TEAD1: variants seen among roughly 807,000 people sequenced by gnomAD.
The protein encoded by TEAD1 is TEA domain transcription factor 1.
In TEAD1, 9 loss-of-function variants were observed where a neutral mutation model predicts 54.9. The ratio of observed to expected loss-of-function variants is 0.16; its 90% CI spans 0.10 to 0.29. The LOEUF (loss-of-function observed/expected upper bound fraction) is 0.29. Among genes scored for constraint, TEAD1 ranks in the 10% least tolerant of loss-of-function variants. The probability of loss-of-function intolerance (pLI) is 1.00; values close to 1 mark genes in which losing one functional copy is unlikely to be tolerated. For missense variants in TEAD1, 387 were observed against 535.9 expected (o/e 0.72, Z 2.74); for synonymous variants, 200 against 187.8 (o/e 1.07, Z -0.53).
intron 3 of TEAD1, among the ~76,000 whole-genome samples, chr11:12,801,979 G>T (rs953182985): frequency 1.3e-5 from 2 of 152,192 alleles, no homozygotes; most frequent in Non-Finnish European, 2.9e-5. Flanking sequence ...GGCTGAAATG[G>T]GCACCTTCAG....
chr11:12,875,866 A>G (rs1192619384), intron 5 of TEAD1, among the ~76,000 whole-genome samples: 1 of 152,222 alleles, frequency 6.6e-6, no homozygotes, highest in Non-Finnish European at 1.5e-5. Context: ...TTATAATGGA[A>G]TTTACCCTCA....
At chr11:12,873,397 A>G (rs1246108776) in intron 5 of TEAD1, among the ~76,000 whole-genome samples, 1 of 152,210 alleles carries the variant, frequency 6.6e-6, no homozygotes, top group African/African-American at 2.4e-5. Context: ...CTCATCTACA[A>G]TCCTTTATGA....
At chr11:12,688,572 CTG>C (rs1328531415) in intron 2 of TEAD1, among the ~76,000 whole-genome samples, 1 of 152,174 alleles carries the variant, frequency 6.6e-6, no homozygotes, top group African/African-American at 2.4e-5. Flanking sequence ...GTTGTCCTAA[CTG>C]TGCAGTTCTT....
intron 2 of TEAD1, among the ~76,000 whole-genome samples, chr11:12,743,886 A>G (rs1039737489): frequency 2.0e-5 from 3 of 152,224 alleles, no homozygotes; most frequent in Admixed American, 1.3e-4. Flanking sequence ...ACCTTGGGAC[A>G]CTACGAAGGG....
At chr11:12,743,686 T>G (rs2133895656) in intron 2 of TEAD1, among the ~76,000 whole-genome samples, 1 of 152,318 alleles carries the variant, frequency 6.6e-6, no homozygotes, top group Admixed American at 6.5e-5. Context: ...GTTGAAGTGA[T>G]GGCAATTGAG....
At chr11:12,917,252 C>A (rs1948731894) in intron 10 of TEAD1, among the ~76,000 whole-genome samples, 1 of 152,026 alleles carries the variant, frequency 6.6e-6, no homozygotes. Flanking sequence ...GAAAATGGAG[C>A]AAGGGGCTCC....
intron 3 of TEAD1, among the ~76,000 whole-genome samples, chr11:12,827,218 ATCC>A (rs1335886727): frequency 2.0e-5 from 3 of 152,212 alleles, no homozygotes; most frequent in Non-Finnish European, 4.4e-5. Flanking sequence ...GAACTTACAT[ATCC>A]TGACTTTACT....
In TEAD1 at chr11:12,938,105, A is replaced by T. The variant is rs1475222795; in HGVS notation, c.*883A>T. The T allele has an allele frequency of 6.6e-6, 1 of 152,654 alleles. No individual in the cohort carries two copies. Among genetic ancestry groups the T allele is most frequent in the Non-Finnish European group, 1.5e-5 (1 of 68,034 alleles). The allele number at this position is 152,654 out of a possible 1,614,324, so 9.5% of individuals were successfully genotyped here. A position where few individuals can be genotyped will look rare whatever the true frequency, so the allele number is the denominator to read the frequency against. On this transcript the variant is annotated 3_prime_UTR_variant, in exon 13 of 13. Coordinates refer to ENST00000527636, the MANE Select transcript of TEAD1 (RefSeq NM_021961.6). Reference sequence around the variant, plus strand: ...AAAAATCTAAACTTACAATGTTTATAGTCTTGTGTGTGCAGTTATATTTTA... The same window carrying T: ...AAAAATCTAAACTTACAATGTTTATTGTCTTGTGTGTGCAGTTATATTTTA...
chr11:12,773,953 C>CCCT (rs1945365813), intron 3 of TEAD1, among the ~76,000 whole-genome samples: 16 of 152,130 alleles, frequency 1.1e-4, no homozygotes, highest in Admixed American at 1.0e-3. Context: ...ATGCATATTA[C>CCCT]TTGTGAGGGA....
At chr11:12,811,261 A>G (rs951168741) in intron 3 of TEAD1, among the ~76,000 whole-genome samples, 3 of 152,160 alleles carry the variant, frequency 2.0e-5, no homozygotes, top group Non-Finnish European at 2.9e-5. Flanking sequence ...TAGGGTGAGG[A>G]CATGAGTTCT....
chr11:12,917,349 G>A lies in TEAD1; in HGVS notation c.874-7563G>A, dbSNP rs142596276. Among the ~76,000 whole-genome samples the A allele has an allele frequency of 6.1e-3, 935 of 152,216 alleles. 9 individuals carry two copies. Among genetic ancestry groups the A allele is most frequent in the African/African-American group, 0.021 (886 of 41,526 alleles). On this transcript the variant is annotated intron_variant, in intron 10 of 12. Transcript: ENST00000527636. Reference sequence around the variant, plus strand: ...GAGCCTCTGTCTAGTAAGGAGTTGCGTCCCTTCTAGTTCCTTGATCTTAGC... The same window carrying A: ...GAGCCTCTGTCTAGTAAGGAGTTGCATCCCTTCTAGTTCCTTGATCTTAGC...
chr11:12,869,672 T>A (rs573079451), intron 5 of TEAD1, among the ~76,000 whole-genome samples: 1 of 152,176 alleles, frequency 6.6e-6, no homozygotes, highest in Non-Finnish European at 1.5e-5. Context: ...ATTTTCATTA[T>A]ATAAGTTTTT....
intron 2 of TEAD1, among the ~76,000 whole-genome samples, chr11:12,676,314 A>G (rs1590041782): frequency 6.6e-6 from 1 of 152,162 alleles, no homozygotes; most frequent in South Asian, 2.1e-4. Flanking sequence ...TGCAATGGTT[A>G]CCTGAGTAGA....
At chr11:12,711,998 T>G (rs1344933952) in intron 2 of TEAD1, among the ~76,000 whole-genome samples, 5 of 152,206 alleles carry the variant, frequency 3.3e-5, no homozygotes, top group Non-Finnish European at 5.9e-5. Flanking sequence ...CTGCACCTCT[T>G]TCTTCATGAA....
chr11:12,904,142 G>T (rs1312562129), intron 10 of TEAD1, among the ~76,000 whole-genome samples: 1 of 152,050 alleles, frequency 6.6e-6, no homozygotes. Context: ...AAGAGCAGTG[G>T]GATAGAACTG....
chr11:12,799,031 T>G (rs970525174), intron 3 of TEAD1, among the ~76,000 whole-genome samples: 2 of 152,214 alleles, frequency 1.3e-5, no homozygotes, highest in African/African-American at 4.8e-5. Context: ...GTTCACTCAC[T>G]CAGGTGAAGT....
intron 3 of TEAD1, among the ~76,000 whole-genome samples, chr11:12,818,300 G>C (rs902464766): frequency 6.6e-6 from 1 of 152,148 alleles, no homozygotes; most frequent in African/African-American, 2.4e-5. Context: ...CTGCCTCCAT[G>C]AAATTTGGTG....
chr11:12,762,219 T>C (rs1424047330), intron 2 of TEAD1, among the ~76,000 whole-genome samples: 1 of 152,148 alleles, frequency 6.6e-6, no homozygotes, highest in Non-Finnish European at 1.5e-5. Flanking sequence ...GTTTTTGTCT[T>C]TTTTTGTTGT....
chr11:12,803,217 T>A (rs1946100168), intron 3 of TEAD1, among the ~76,000 whole-genome samples: 1 of 152,090 alleles, frequency 6.6e-6, no homozygotes, highest in South Asian at 2.1e-4. Flanking sequence ...ATTCCCTGTT[T>A]ATAGTACATT....
Sources: allele counts gnomAD v4.1 joint callset (sites outside exome capture counted in the v4.1 genomes callset), GRCh38; gene constraint gnomAD v4.1.1; transcripts MANE v1.5; gene names NCBI Gene and HGNC (gene_info 2026-07-23, HGNC 2026-07-21).